Variants in KLF12 observed in about 807,000 individuals in gnomAD.
The protein encoded by KLF12 is KLF transcription factor 12, also known as Krueppel-like factor 12.
Under a neutral mutation model 37.8 loss-of-function variants are expected in KLF12, and 9 were observed. The ratio of observed to expected loss-of-function variants is 0.24; its 90% CI spans 0.14 to 0.42. The LOEUF is 0.42. Among genes scored for constraint, KLF12 ranks in the 10% least tolerant of loss-of-function variants. KLF12 has a pLI of 1.00. For synonymous variants in KLF12, 208 were observed against 202.1 expected, an observed-to-expected ratio of 1.03 and a Z score of -0.25; for missense variants, 411 against 516.0, an observed-to-expected ratio of 0.80 and a Z score of 1.97.
intron 5 of KLF12, among the ~76,000 whole-genome samples, chr13:73,802,909 C>A (rs533138834): frequency 6.8e-4 from 103 of 152,078 alleles, no homozygotes; most frequent in African/African-American, 2.5e-3. Flanking sequence ...GTATGATAAC[C>A]AATAGTAACA....
intron 3 of KLF12, among the ~76,000 whole-genome samples, chr13:73,941,924 A>C (rs1399891962): frequency 6.6e-6 from 1 of 152,148 alleles, no homozygotes; most frequent in Admixed American, 6.5e-5. Context: ...CTCCACTCAC[A>C]AGGAGGAAAA....
intron 3 of KLF12, among the ~76,000 whole-genome samples, chr13:73,854,286 G>C (rs977066057): frequency 2.6e-5 from 4 of 152,170 alleles, no homozygotes; most frequent in African/African-American, 9.7e-5. Context: ...TTCTGTGCTA[G>C]ATACATATTT....
At chr13:74,065,865 T>A (rs964704469) in intron 1 of KLF12, among the ~76,000 whole-genome samples, 1 of 151,922 alleles carries the variant, frequency 6.6e-6, no homozygotes, top group Non-Finnish European at 1.5e-5. Flanking sequence ...GGAGTTAGAA[T>A]CTCAATCATG....
chr13:74,170,156 C>T, the KLF12 span, among the ~76,000 whole-genome samples: 6 of 151,892 alleles, frequency 4.0e-5, no homozygotes, highest in Non-Finnish European at 7.4e-5. Context: ...AGCGTAATTA[C>T]GCCCTATATG....
the KLF12 span, chr13:74,231,479 T>C: frequency 6.6e-6 from 1 of 152,244 alleles, no homozygotes; most frequent in Non-Finnish European, 1.5e-5. Flanking sequence ...TGTCCCTGTT[T>C]GCAGTGTCAA....
intron 2 of KLF12, among the ~76,000 whole-genome samples, chr13:73,984,699 C>T (rs1002092512): frequency 1.3e-5 from 2 of 152,200 alleles, no homozygotes; most frequent in South Asian, 2.1e-4. Context: ...GTCCCATATT[C>T]GGCACCTTTC....
At chr13:73,973,726 A>T (rs543070620) in intron 2 of KLF12, among the ~76,000 whole-genome samples, 1 of 152,314 alleles carries the variant, frequency 6.6e-6, no homozygotes, top group African/African-American at 2.4e-5. Context: ...AAAAGGAAGT[A>T]AAGAAAGAAG....
chr13:74,060,484 TTGTGTGTGTGTGTGTGTGTGTG>T (rs60242793), intron 1 of KLF12, among the ~76,000 whole-genome samples: 2 of 108,594 alleles, frequency 1.8e-5, no homozygotes, highest in Admixed American at 9.8e-5. Context: ...TACCTAGGTT[TTGTGTGTGTGTGTGTGTGTGTG>T]TGTGTGTGTG....
chr13:73,850,195 A>G (rs1349630285), intron 3 of KLF12, among the ~76,000 whole-genome samples: 2 of 152,216 alleles, frequency 1.3e-5, no homozygotes, highest in Non-Finnish European at 2.9e-5. Context: ...CTTTTCTCCA[A>G]AAGTCTCAAA....
chr13:73,740,052 A>C (rs1218833986), intron 6 of KLF12, among the ~76,000 whole-genome samples: 1 of 152,192 alleles, frequency 6.6e-6, no homozygotes. Flanking sequence ...CCAAAATTTC[A>C]TACATTGAAA....
At chr13:74,134,048 G>A (rs954405348), upstream of KLF12, among the ~76,000 whole-genome samples, 1 of 151,914 alleles carries the variant, frequency 6.6e-6, no homozygotes, top group African/African-American at 2.4e-5. Context: ...GGTCTAGTGT[G>A]GGGAGCCTCG....
At chr13:73,744,177 C>T (rs766322954) in intron 6 of KLF12, among the ~76,000 whole-genome samples, 37 of 152,162 alleles carry the variant, frequency 2.4e-4, no homozygotes, top group Non-Finnish European at 4.6e-4. Flanking sequence ...GAATTCAAGT[C>T]TGACTTTGGG....
intron 6 of KLF12, among the ~76,000 whole-genome samples, chr13:73,758,831 G>A (rs551812674): frequency 2.6e-5 from 4 of 152,076 alleles, no homozygotes; most frequent in South Asian, 2.1e-4. Flanking sequence ...CAGGAATATA[G>A]AAACTACTTT....
At chr13:74,256,647 A>G in the KLF12 span, among the ~76,000 whole-genome samples, 1 of 150,606 alleles carries the variant, frequency 6.6e-6, no homozygotes, top group Admixed American at 6.6e-5. Flanking sequence ...TTTATACAGC[A>G]TTAAGCTTTT....
chr13:74,012,498 G>A (rs1022108426), intron 1 of KLF12, among the ~76,000 whole-genome samples: 5 of 152,166 alleles, frequency 3.3e-5, no homozygotes, highest in Non-Finnish European at 5.9e-5. Flanking sequence ...CTACATTGCT[G>A]ATGGGAAATG....
In KLF12 at chr13:73,689,705, T is replaced by C. The variant is rs752990710; in HGVS notation, c.*5785A>G. On this transcript the variant is annotated 3_prime_UTR_variant, in exon 8 of 8. Transcript: ENST00000377669. ...TCTGTCAATATTCATTCCAAAATGATTCTTAAGATGATAATAGGAAATATT... is the reference window on the plus strand; with the variant it reads ...TCTGTCAATATTCATTCCAAAATGACTCTTAAGATGATAATAGGAAATATT... 2 of 152,158 alleles carry C rather than the reference T, an allele frequency of 1.3e-5. No individual in the cohort carries two copies. The highest frequency in any genetic ancestry group is 2.9e-5 in the Non-Finnish European group (2 of 68,024). 9.4% of individuals were successfully genotyped at this position (152,158 alleles called of 1,614,324 possible).
the KLF12 span, among the ~76,000 whole-genome samples, chr13:74,177,346 A>G: frequency 6.6e-6 from 1 of 152,166 alleles, no homozygotes; most frequent in African/African-American, 2.4e-5. Context: ...ATGTTTGGAG[A>G]AGGGCTGAGG....
At chr13:74,031,996 G>A (rs567921062) in intron 1 of KLF12, among the ~76,000 whole-genome samples, 1 of 152,176 alleles carries the variant, frequency 6.6e-6, no homozygotes, top group South Asian at 2.1e-4. Flanking sequence ...TGGGAAGCTA[G>A]GCTACACCAT....
At chr13:73,872,934 A>C (rs1459697276) in intron 3 of KLF12, among the ~76,000 whole-genome samples, 1 of 152,200 alleles carries the variant, frequency 6.6e-6, no homozygotes, top group Non-Finnish European at 1.5e-5. Flanking sequence ...GTGAGAGCAG[A>C]GACCTTATTT....
Sources: gnomAD v4.1 joint callset for allele counts (sites outside exome capture counted in the v4.1 genomes callset) on GRCh38, gnomAD v4.1.1 for gene constraint, MANE v1.5 for transcripts, NCBI Gene and HGNC (gene_info 2026-07-23, HGNC 2026-07-21) for gene names.